C2: variants seen among roughly 807,000 people sequenced by gnomAD.
C2 encodes C3/C5 convertase.
In C2, 64 loss-of-function variants were observed where a neutral mutation model predicts 85.2. The ratio of observed to expected loss-of-function variants is 0.75; its 90% CI spans 0.61 to 0.92. The LOEUF (loss-of-function observed/expected upper bound fraction) is 0.92, where lower values mean the gene tolerates loss of function less well. C2 is among the 40% of genes least tolerant of loss of function. C2 has a pLI of 0.00. For synonymous variants in C2, 311 were observed against 370.8 expected (o/e 0.84, Z 1.85); for missense variants, 820 against 971.6 (o/e 0.84, Z 2.07).
chr6:31,898,553 A>C (rs1339825290), upstream of C2, among the ~76,000 whole-genome samples: 1 of 151,880 alleles, frequency 6.6e-6, no homozygotes. Flanking sequence ...GGCCAATTAA[A>C]GGCCTTCTGG....
chr6:31,913,256 C>T (rs1314097922), intron 1 of C2, among the ~76,000 whole-genome samples: 1 of 152,126 alleles, frequency 6.6e-6, no homozygotes, highest in African/African-American at 2.4e-5. Flanking sequence ...AGTCTGGATA[C>T]TTCAGTGAGG....
At chr6:31,901,303 CA>C in intron 1 of C2, 1 of 1,605,832 alleles carries the variant, frequency 6.2e-7, no homozygotes, top group Non-Finnish European at 8.5e-7. Context: ...CCCCAGAGGC[CA>C]TTGTGGCGGG....
In C2 at chr6:31,944,506, C is replaced by T. The variant is rs762320179; in HGVS notation, c.1903-221C>T. On this transcript the variant is annotated intron_variant, in intron 15 of 17. Coordinates refer to ENST00000299367, the MANE Select transcript of C2 (RefSeq NM_000063.6). The surrounding 1 kb of genome is among the most constrained non-coding windows in gnomAD (Gnocchi z 5.1). ...AAGCGATTCTCCTACTTCAGCCTCC[C>T]GAGTAGCTGAGATTACAGGTGCCCA... 1.3e-5 allele frequency among the ~76,000 whole-genome samples: 2 copies of T among 152,188 alleles called. No individual in the cohort carries two copies. Among genetic ancestry groups the T allele is most frequent in the African/African-American group, 2.4e-5 (1 of 41,430 alleles).
chr6:31,913,456 A>C (rs1768263547), intron 1 of C2, among the ~76,000 whole-genome samples: 1 of 152,146 alleles, frequency 6.6e-6, no homozygotes, highest in Non-Finnish European at 1.5e-5. Flanking sequence ...GGCACCTGTA[A>C]TCCCAGCTAG....
chr6:31,900,674 A>G, upstream of C2: 1 of 1,612,258 alleles, frequency 6.2e-7, no homozygotes, highest in Non-Finnish European at 8.5e-7. This position sits in a 1 kb window ranked among gnomAD's most constrained non-coding sequence, Gnocchi z 9.7. Flanking sequence ...CTCCACCTTG[A>G]CGATGCAGAT....
chr6:31,933,644 C>T lies in C2; in HGVS notation c.477C>T (p.Gly159=), dbSNP rs955522624. ...GHCPNPGISL[G]AVRTGFRFGH... ...GCCCCAACCCAGGCATTTCACTGGG[C>T]GCAGTGCGGACAGGCTTCCGCTTTG... The change falls in exon 4 of 18, where the codon GGC becomes GGT. Residue 159 remains glycine, a synonymous_variant. Transcript: ENST00000299367. 26 of 1,612,950 alleles carry T rather than the reference C, an allele frequency of 1.6e-5. No individual in the cohort carries two copies. Among genetic ancestry groups the T allele is most frequent in the Middle Eastern group, 1.6e-4 (1 of 6,078 alleles).
chr6:31,928,285 G>T, intron 2 of C2, 121 bp downstream of exon 2: 2 of 868,960 alleles, frequency 2.3e-6, no homozygotes, highest in Non-Finnish European at 3.7e-6. Context: ...TTTTGCAGAG[G>T]GCTTTTCAAA....
chr6:31,901,576 C>A (rs1401631533), intron 1 of C2, among the ~76,000 whole-genome samples: 2 of 151,600 alleles, frequency 1.3e-5, no homozygotes, highest in African/African-American at 4.8e-5. Context: ...CGAGCCCGCG[C>A]GCCCACGGTG....
At chr6:31,918,292 A>C (rs1768700516), upstream of C2, among the ~76,000 whole-genome samples, 1 of 151,822 alleles carries the variant, frequency 6.6e-6, no homozygotes, top group African/African-American at 2.4e-5. Flanking sequence ...CTCAAAAAAA[A>C]AATATTCCTC....
chr6:31,943,799 AC>A lies in C2; in HGVS notation c.1726del (p.His576MetfsTer33). 1 of 1,613,028 alleles carries A rather than the reference AC, an allele frequency of 6.2e-7. No homozygotes were observed. ...LKLAQKVKMSTHARPICLPCT... is the reference protein window; with the variant it reads ...LKLAQKVKMSXHARPICLPCT... The stretch of plus-strand genomic sequence containing the variant: ...GCTGGCCCAGAAAGTAAAGATGTCC[AC>A]CCATGCCAGGTGCCTGGAGTCTGGG... On this transcript the variant is annotated frameshift_variant, in exon 13 of 18. Coordinates refer to ENST00000299367, the MANE Select transcript of C2 (RefSeq NM_000063.6). LOFTEE classifies it high-confidence loss of function. The surrounding 1 kb of genome is among the most constrained non-coding windows in gnomAD (Gnocchi z 6.4).
At position 31,944,721 on chromosome 6, in the gene C2, C is replaced by T; in HGVS notation, c.1903-6C>T. ...ACCCTTCTCTCTGGTTCCACCCCTG[C>T]TGCAGTGGACAAGCTGTGCCGAGGT... On this transcript the variant is annotated splice_polypyrimidine_tract_variant and splice_region_variant and intron_variant, in intron 15 of 17. Transcript: ENST00000299367. This position sits in a 1 kb window ranked among gnomAD's most constrained non-coding sequence, Gnocchi z 5.1. 1 of 1,613,084 alleles carries T rather than the reference C, an allele frequency of 6.2e-7. No individual in the cohort carries two copies. Among genetic ancestry groups the T allele is most frequent in the Non-Finnish European group, 8.5e-7 (1 of 1,180,034 alleles).
chr6:31,930,678 C>T (rs1006330927), intron 3 of C2, among the ~76,000 whole-genome samples: 1 of 152,138 alleles, frequency 6.6e-6, no homozygotes, highest in African/African-American at 2.4e-5. Flanking sequence ...ACGGAGTCCA[C>T]AAGATGGCAG....
In C2 at chr6:31,944,598, C is replaced by G. The variant is rs149046227; in HGVS notation, c.1903-129C>G. 1,385 of 1,030,560 alleles carry G rather than the reference C, an allele frequency of 1.3e-3. 1 individual carries two copies. Among genetic ancestry groups the G allele is most frequent in the African/African-American group, 3.0e-3 (191 of 63,764 alleles). The allele number at this position is 1,030,560 out of a possible 1,614,324, so 63.8% of individuals were successfully genotyped here. On this transcript the variant is annotated intron_variant, in intron 15 of 17. Coordinates refer to ENST00000299367, the MANE Select transcript of C2 (RefSeq NM_000063.6). The surrounding 1 kb of genome is among the most constrained non-coding windows in gnomAD (Gnocchi z 5.1). ...ATTTCGCCATGTTGGCCAGGATGGTCTTGAACTCCTGACCTCAAGTGATCT... is the reference window on the plus strand; with the variant it reads ...ATTTCGCCATGTTGGCCAGGATGGTGTTGAACTCCTGACCTCAAGTGATCT...
At chr6:31,908,845 T>G (rs1235306884) in intron 1 of C2, among the ~76,000 whole-genome samples, 4 of 151,982 alleles carry the variant, frequency 2.6e-5, no homozygotes, top group African/African-American at 9.7e-5. Flanking sequence ...TTACATACAT[T>G]GTTTTTAGAC....
At chr6:31,934,048 C>G in intron 5 of C2, 83 bp downstream of exon 5, 1 of 1,549,978 alleles carries the variant, frequency 6.5e-7, no homozygotes, top group Non-Finnish European at 8.9e-7. Context: ...TTCCTGGAGG[C>G]CAGGAGCCTT....
intron 7 of C2, chr6:31,936,283 C>T (rs1770413713): frequency 8.7e-6 from 5 of 576,760 alleles, no homozygotes; most frequent in Non-Finnish European, 1.2e-5. Context: ...AGACACTGTG[C>T]AGGTCTTCAA....
rs1201387191 is a variant in C2 at position 31,942,986 on chromosome 6, T to G, written c.1247T>G (p.Leu416Arg). Reference protein sequence around the residue: ...LDIYAIGVGKLDVDWRELNEL... With the variant: ...LDIYAIGVGKRDVDWRELNEL... The stretch of plus-strand genomic sequence containing the variant: ...ATCTATGCCATCGGGGTGGGCAAGC[T>G]GGATGTGGACTGGAGAGAACTGAAT... The change falls in exon 10 of 18, where the codon CTG becomes CGG. Residue 416 changes from leucine to arginine, a missense_variant. Coordinates refer to ENST00000299367, the MANE Select transcript of C2 (RefSeq NM_000063.6). 3 of 1,612,948 alleles carry G rather than the reference T, an allele frequency of 1.9e-6. No individual in the cohort carries two copies. In the African/African-American group the frequency reaches 4.0e-5, roughly 22 times the overall value.
chr6:31,905,791 C>A (rs1410683369), intron 1 of C2, among the ~76,000 whole-genome samples: 2 of 151,922 alleles, frequency 1.3e-5, no homozygotes, highest in East Asian at 3.9e-4. Context: ...ATTTTCCAGT[C>A]CTATGAGTCC....
In C2 at chr6:31,928,125, C is replaced by G; in HGVS notation, c.217C>G (p.Pro73Ala). 6.2e-7 allele frequency: 1 copy of G among 1,613,122 alleles called. No homozygotes were observed. ...LCKSSGQWQT[P>A]GATRSLSKAV... Reference sequence around the variant, plus strand: ...CAAGAGCAGCGGACAGTGGCAGACCCCAGGAGCCACCCGGTCTCTGTCTAA... The same window carrying G: ...CAAGAGCAGCGGACAGTGGCAGACCGCAGGAGCCACCCGGTCTCTGTCTAA... Residue 73 changes from proline (P) to alanine (A), a missense_variant, in exon 2 of 18, where the codon CCA (proline) becomes GCA (alanine). Pro to Ala is a conservative substitution (Grantham distance 27). Transcript: ENST00000299367.
Sources: gnomAD v4.1 joint callset for allele counts (sites outside exome capture counted in the v4.1 genomes callset) on GRCh38, gnomAD v4.1.1 for gene constraint, Gnocchi (gnomAD v3.1) non-coding constraint, MANE v1.5 for transcripts, NCBI Gene and HGNC (gene_info 2026-07-23, HGNC 2026-07-21) for gene names.